UBE2F: variants seen among roughly 807,000 people sequenced by gnomAD.
UBE2F encodes the protein ubiquitin conjugating enzyme E2 F (putative).
UBE2F carries 5 observed loss-of-function variants against 29.6 expected under a neutral mutation model. The observed-to-expected ratio is 0.17, with a 90% CI of 0.09 to 0.36. The LOEUF (loss-of-function observed/expected upper bound fraction) is 0.36. Among genes scored for constraint, UBE2F ranks in the 10% least tolerant of loss-of-function variants. The pLI, the probability that UBE2F is intolerant of heterozygous loss-of-function variation, is 1.00. For missense variants in UBE2F, 141 were observed against 228.5 expected (o/e 0.62, Z 2.47); for synonymous variants, 66 against 81.8 (o/e 0.81, Z 1.04).
At chr2:238,028,476 C>T (rs1576636712) in intron 6 of UBE2F, among the ~76,000 whole-genome samples, 1 of 152,204 alleles carries the variant, frequency 6.6e-6, no homozygotes, top group Non-Finnish European at 1.5e-5. Flanking sequence ...ATAATTCCTC[C>T]ATTCAACAAA....
At chr2:237,994,685 G>A (rs1576605988) in intron 3 of UBE2F, 59 bp from the exon 4 acceptor site, 42 of 1,398,328 alleles carry the variant, frequency 3.0e-5, no homozygotes, top group African/African-American at 8.5e-5. Flanking sequence ...AAAGGTTAGC[G>A]TCAACATATG....
At chr2:238,030,438 A>T in intron 6 of UBE2F, 118 bp from the exon 7 acceptor site, 1 of 691,516 alleles carries the variant, frequency 1.4e-6, no homozygotes, top group South Asian at 1.7e-5. Flanking sequence ...CACAGAGGAA[A>T]AGATGGGTTT....
intron 2 of UBE2F, chr2:237,986,354 G>T (rs763960290): frequency 8.8e-5 from 15 of 170,992 alleles, no homozygotes; most frequent in Non-Finnish European, 1.8e-4. Flanking sequence ...AGGTTTTGCT[G>T]TGTTGCCCAG....
At chr2:238,029,225 A>T (rs778910997) in intron 6 of UBE2F, among the ~76,000 whole-genome samples, 2 of 151,928 alleles carry the variant, frequency 1.3e-5, no homozygotes, top group Non-Finnish European at 2.9e-5. Flanking sequence ...GGAGTGATTG[A>T]TACTCAGAAT....
At chr2:237,973,381 T>G (rs553007541) in intron 2 of UBE2F, among the ~76,000 whole-genome samples, 156 bp downstream of exon 2, 2 of 152,346 alleles carry the variant, frequency 1.3e-5, no homozygotes, top group South Asian at 4.1e-4. Context: ...TGAAGGACAT[T>G]GTACCACGCA....
intron 7 of UBE2F, among the ~76,000 whole-genome samples, chr2:238,031,741 C>A (rs1159471861): frequency 6.6e-6 from 1 of 152,156 alleles, no homozygotes; most frequent in African/African-American, 2.4e-5. Context: ...TTCTATGATT[C>A]TTTAAATAAC....
At chr2:238,024,330 T>TGTTTG (rs945456781) in intron 5 of UBE2F, among the ~76,000 whole-genome samples, 9 of 152,228 alleles carry the variant, frequency 5.9e-5, no homozygotes, top group Middle Eastern at 3.2e-3. Context: ...CAGAGAAATC[T>TGTTTG]GTTTGGTTTG....
At chr2:237,979,535 A>G (rs1324807861) in intron 2 of UBE2F, among the ~76,000 whole-genome samples, 2 of 152,238 alleles carry the variant, frequency 1.3e-5, no homozygotes, top group African/African-American at 4.8e-5. Context: ...TTGTCAGGGT[A>G]GTCACAGCAT....
intron 5 of UBE2F, among the ~76,000 whole-genome samples, chr2:238,019,242 A>G (rs994855661): frequency 2.6e-5 from 4 of 152,202 alleles, no homozygotes; most frequent in African/African-American, 9.7e-5. Context: ...TGGGCTGGTC[A>G]GATTTCATCA....
At position 238,013,504 on chromosome 2, in the gene UBE2F, AG is replaced by A. The variant is rs1214147145; in HGVS notation, c.215-3056del. Among the ~76,000 whole-genome samples the A allele has an allele frequency of 3.1e-5, 4 of 129,636 alleles. No homozygotes were observed. The South Asian group carries it at 1.0e-3, about 33-fold the overall frequency. The allele number at this position is 129,636 out of a possible 152,430, so 85.0% of individuals were successfully genotyped here. A position where few individuals can be genotyped will look rare whatever the true frequency, so the allele number is the denominator to read the frequency against. ...AGATGGGAGGTAGGCCTTTTTTTGC[AG>A]GGGGGAAGAAGGTTGTAGAAGAGGA... is the stretch of plus-strand genomic sequence containing the variant. On this transcript the variant is annotated intron_variant, in intron 4 of 9. Transcript: ENST00000272930.
At chr2:237,974,324 G>A (rs2106324756) in intron 2 of UBE2F, among the ~76,000 whole-genome samples, 1 of 152,048 alleles carries the variant, frequency 6.6e-6, no homozygotes, top group East Asian at 1.9e-4. Context: ...TCGAGTAGCT[G>A]GGATTACAGG....
chr2:237,993,701 A>G (rs2063633876), intron 3 of UBE2F, among the ~76,000 whole-genome samples: 1 of 152,230 alleles, frequency 6.6e-6, no homozygotes, highest in South Asian at 2.1e-4. Flanking sequence ...CAACAGAGTG[A>G]GACCCTGTCT....
At chr2:238,010,526 T>A (rs1343372100) in intron 4 of UBE2F, among the ~76,000 whole-genome samples, 1 of 152,206 alleles carries the variant, frequency 6.6e-6, no homozygotes, top group Non-Finnish European at 1.5e-5. Flanking sequence ...GTGTTAAACA[T>A]TTGCTTTTGA....
At chr2:237,989,780 T>C (rs1444128717) in intron 3 of UBE2F, among the ~76,000 whole-genome samples, 2 of 152,214 alleles carry the variant, frequency 1.3e-5, no homozygotes, top group African/African-American at 4.8e-5. Flanking sequence ...CCTCAAAGTT[T>C]TCTTCAACTC....
In UBE2F at chr2:238,035,933, G is replaced by A. The variant is rs752639654; in HGVS notation, c.500G>A (p.Arg167Gln). ...LNIEAAEHHL[R>Q]DKEDFRNKVD... ...ATTGAAGCTGCAGAACATCATTTGCGGGACAAGGTGAGCCAGTAACAGGCT... is the reference window on the plus strand; with the variant it reads ...ATTGAAGCTGCAGAACATCATTTGCAGGACAAGGTGAGCCAGTAACAGGCT... The change falls in exon 9 of 10, where the codon CGG (arginine) becomes CAG (glutamine). Residue 167 changes from arginine to glutamine, a missense_variant. Coordinates refer to ENST00000272930, the MANE Select transcript of UBE2F (RefSeq NM_080678.3). 22 of 1,613,236 alleles carry A rather than the reference G, an allele frequency of 1.4e-5. No individual in the cohort carries two copies. The highest frequency in any genetic ancestry group is 8.8e-5 in the South Asian group (8 of 91,026).
intron 1 of UBE2F, among the ~76,000 whole-genome samples, chr2:237,968,505 T>A (rs927623493): frequency 2.6e-5 from 4 of 152,138 alleles, no homozygotes; most frequent in African/African-American, 9.7e-5. Flanking sequence ...AGTCCCATCC[T>A]TTATGCTTGG....
chr2:237,990,028 G>T (rs1283346923), intron 3 of UBE2F, among the ~76,000 whole-genome samples: 1 of 149,550 alleles, frequency 6.7e-6, no homozygotes, highest in East Asian at 2.0e-4. Context: ...TGGGGCAAGA[G>T]AATTGCTTGA....
In UBE2F at chr2:237,967,015, C is replaced by A; in HGVS notation, c.-134C>A. 8.0e-7 allele frequency: 1 copy of A among 1,254,944 alleles called. No individual in the cohort carries two copies. Among genetic ancestry groups the A allele is most frequent in the Non-Finnish European group, 1.0e-6 (1 of 989,054 alleles). The allele number at this position is 1,254,944 out of a possible 1,614,324, so 77.7% of individuals were successfully genotyped here. On this transcript the variant is annotated 5_prime_UTR_variant, in exon 1 of 10. Coordinates refer to ENST00000272930, the MANE Select transcript of UBE2F (RefSeq NM_080678.3). This position sits in a 1 kb window ranked among gnomAD's most constrained non-coding sequence, Gnocchi z 6.3. Reference sequence around the variant, plus strand: ...GAGCGGCCGAGTCCCCGCCCCGCCACTTCCGGTCCCGCCGCCGGGAGCCGG... The same window carrying A: ...GAGCGGCCGAGTCCCCGCCCCGCCAATTCCGGTCCCGCCGCCGGGAGCCGG...
chr2:237,972,541 A>ATTATT (rs1559197721), intron 1 of UBE2F, among the ~76,000 whole-genome samples: 1 of 124,254 alleles, frequency 8.0e-6, no homozygotes, highest in African/African-American at 3.0e-5. Context: ...TTAATTTTAA[A>ATTATT]TTTTTTTTTT....
Sources: gnomAD v4.1 joint callset for allele counts (sites outside exome capture counted in the v4.1 genomes callset) on GRCh38, gnomAD v4.1.1 for gene constraint, Gnocchi (gnomAD v3.1) non-coding constraint, MANE v1.5 for transcripts, NCBI Gene and HGNC (gene_info 2026-07-23, HGNC 2026-07-21) for gene names.